Variants in DYRK1A observed in about 807,000 individuals in gnomAD.
DYRK1A encodes the protein dual specificity tyrosine-phosphorylation-regulated kinase 1A.
A neutral mutation model predicts 79.7 loss-of-function variants in DYRK1A; 9 were observed. The observed-to-expected ratio is 0.11, with a 90% CI of 0.07 to 0.20. The LOEUF (loss-of-function observed/expected upper bound fraction) is 0.20, where lower values mean the gene tolerates loss of function less well. Among genes scored for constraint, DYRK1A ranks in the 10% least tolerant of loss-of-function variants. The pLI, the probability that DYRK1A is intolerant of heterozygous loss-of-function variation, is 1.00. For missense variants in DYRK1A, 622 were observed against 956.0 expected (o/e 0.65, Z 4.61); for synonymous variants, 349 against 329.7 (o/e 1.06, Z -0.63).
chr21:37,454,455 T>A (rs894661933), intron 2 of DYRK1A, among the ~76,000 whole-genome samples: 1 of 152,174 alleles, frequency 6.6e-6, no homozygotes, highest in African/African-American at 2.4e-5. Context: ...GCAACCTCTG[T>A]CAATAGTAGT....
intron 1 of DYRK1A, among the ~76,000 whole-genome samples, chr21:37,401,983 A>G (rs1007807783): frequency 6.6e-6 from 1 of 152,130 alleles, no homozygotes; most frequent in East Asian, 1.9e-4. Context: ...GACAATTTCC[A>G]CTTCCCACTT....
intron 1 of DYRK1A, among the ~76,000 whole-genome samples, chr21:37,392,421 TCTGTTTGTGCTGCTC>T (rs1409444017): frequency 6.6e-6 from 1 of 152,264 alleles, no homozygotes; most frequent in East Asian, 1.9e-4. Context: ...CATGTCTTGG[TCTGTTTGTGCTGCTC>T]TAACAAAATA....
intron 1 of DYRK1A, among the ~76,000 whole-genome samples, chr21:37,416,546 T>A (rs904048459): frequency 6.6e-6 from 1 of 152,094 alleles, no homozygotes; most frequent in African/African-American, 2.4e-5. Context: ...GCTATTATAA[T>A]TCTAGAAAAT....
intron 2 of DYRK1A, among the ~76,000 whole-genome samples, chr21:37,434,272 A>G (rs2050860067): frequency 6.6e-6 from 1 of 152,212 alleles, no homozygotes. Flanking sequence ...TCTAAAAATC[A>G]TGAAATTTTT....
intron 2 of DYRK1A, among the ~76,000 whole-genome samples, chr21:37,429,195 A>G (rs1235435744): frequency 2.0e-5 from 3 of 152,200 alleles, no homozygotes; most frequent in African/African-American, 7.2e-5. Context: ...GTTAACGCAA[A>G]TCCAGGTCTG....
At chr21:37,482,738 T>C (rs1401285974) in intron 5 of DYRK1A, among the ~76,000 whole-genome samples, 1 of 152,108 alleles carries the variant, frequency 6.6e-6, no homozygotes, top group Non-Finnish European at 1.5e-5. Flanking sequence ...ATTTCATCCC[T>C]ACAGTCTCGA....
At chr21:37,403,643 AAAAAAAT>A (rs1337828327) in intron 1 of DYRK1A, among the ~76,000 whole-genome samples, 1 of 100,138 alleles carries the variant, frequency 1.0e-5, no homozygotes, top group Non-Finnish European at 2.0e-5. Context: ...TTAAAAAAAA[AAAAAAAT>A]ATATATATAT....
In DYRK1A at chr21:37,505,599, G is replaced by C; in HGVS notation, c.1519+10G>C. The C allele has an allele frequency of 6.3e-7, 1 of 1,577,676 alleles. No homozygotes were observed. The highest frequency in any genetic ancestry group is 8.6e-7 in the Non-Finnish European group (1 of 1,165,898). The stretch of plus-strand genomic sequence containing the variant: ...ACATCGTCAAGCTCAGGTCTGTGCT[G>C]CTGCGGTTAGATTAGGCTTGGGAAT... On this transcript the variant is annotated intron_variant, in intron 10 of 11. Coordinates refer to ENST00000647188, the MANE Select transcript of DYRK1A (RefSeq NM_001347721.2).
chr21:37,426,229 A>G (rs1256589930), intron 2 of DYRK1A, among the ~76,000 whole-genome samples: 1 of 152,206 alleles, frequency 6.6e-6, no homozygotes, highest in Non-Finnish European at 1.5e-5. Flanking sequence ...TGAAAAGGGA[A>G]GAGAACTCTT....
intron 2 of DYRK1A, among the ~76,000 whole-genome samples, chr21:37,463,806 G>A (rs1339639443): frequency 6.6e-6 from 1 of 152,156 alleles, no homozygotes; most frequent in Non-Finnish European, 1.5e-5. Context: ...TAGGGACCTC[G>A]TGGGTTTTTG....
chr21:37,400,824 T>C (rs904504625), intron 1 of DYRK1A, among the ~76,000 whole-genome samples: 1 of 152,166 alleles, frequency 6.6e-6, no homozygotes, highest in Admixed American at 6.6e-5. Context: ...GATTGTACCC[T>C]TTCTAAAGTT....
intron 3 of DYRK1A, among the ~76,000 whole-genome samples, chr21:37,477,353 G>C (rs2052436321): frequency 6.6e-6 from 1 of 152,180 alleles, no homozygotes; most frequent in Non-Finnish European, 1.5e-5. Context: ...TCTGTTGATT[G>C]CAAGAACCCC....
intron 2 of DYRK1A, among the ~76,000 whole-genome samples, chr21:37,457,025 CTTACTTACTTACTTAT>C (rs1447158051): frequency 0.047 from 3,578 of 76,528 alleles, 101 homozygotes; most frequent in African/African-American, 0.14. Flanking sequence ...TACTTACTTA[CTTACTTACTTACTTAT>C]TTATTTATTT....
At chr21:37,506,445 T>A in intron 11 of DYRK1A, 3 of 1,364,974 alleles carry the variant, frequency 2.2e-6, no homozygotes, top group Non-Finnish European at 2.9e-6. Context: ...TAACAGTTGT[T>A]GTTTTGAACA....
rs754511244 is a variant in DYRK1A, at chr21:37,486,493, G to T, written c.516G>T (p.Glu172Asp). Residue 172 changes from glutamate (E) to aspartate (D), a missense_variant, in exon 6 of 12, where the codon GAG becomes GAT. Physicochemically the swap from Glu to Asp is conservative, Grantham distance 45. Transcript: ENST00000647188. ...GQVVKAYDRV[E>D]QEWVAIKIIK... Reference sequence around the variant, plus strand: ...TTGTAAAGGCATATGATCGTGTGGAGCAAGAATGGGTTGCCATTAAAATAA... The same window carrying T: ...TTGTAAAGGCATATGATCGTGTGGATCAAGAATGGGTTGCCATTAAAATAA... 4 of 1,581,704 alleles carry T rather than the reference G, an allele frequency of 2.5e-6. No homozygotes were observed. Among genetic ancestry groups the T allele is most frequent in the South Asian group, 1.2e-5 (1 of 85,450 alleles).
In DYRK1A at chr21:37,367,082, T is replaced by TGTGTGCGAGGGAGC. The variant is rs1228901832; in HGVS notation, c.-611_-598dup. 2 of 154,914 alleles carry TGTGTGCGAGGGAGC rather than the reference T, an allele frequency of 1.3e-5. No homozygotes were observed. Among genetic ancestry groups the TGTGTGCGAGGGAGC allele is most frequent in the East Asian group, 1.9e-4 (1 of 5,160 alleles). 9.6% of individuals were successfully genotyped at this position (154,914 alleles called of 1,614,324 possible). A position where few individuals can be genotyped will look rare whatever the true frequency, so the allele number is the denominator to read the frequency against. On this transcript the variant is annotated 5_prime_UTR_variant, in exon 1 of 12. Transcript: ENST00000647188. ...GGCGGGACCGGTGTGAGTGCGAGTG[T>TGTGTGCGAGGGAGC]GTGTGCGAGGGAGCGTGTGCGAGGG...
chr21:37,493,772 G>A (rs1298089747), intron 8 of DYRK1A, among the ~76,000 whole-genome samples: 3 of 151,902 alleles, frequency 2.0e-5, no homozygotes, highest in East Asian at 1.9e-4. Flanking sequence ...GTGGGGTTTT[G>A]TTTGTTTTTT....
In DYRK1A at chr21:37,420,174, A is replaced by G. The variant is rs529993991; in HGVS notation, c.-76-125A>G. 29 of 391,192 alleles carry G rather than the reference A, an allele frequency of 7.4e-5. 1 individual carries two copies. The South Asian group carries it at 2.4e-3, about 32-fold the overall frequency. The allele number at this position is 391,192 out of a possible 1,614,324, so 24.2% of individuals were successfully genotyped here. On this transcript the variant is annotated intron_variant, in intron 1 of 11. Coordinates refer to ENST00000647188, the MANE Select transcript of DYRK1A (RefSeq NM_001347721.2). ...TTTAAGTTTGAATGTTAGAAAATGA[A>G]TTTTGCAAATTTGAAGTAATTTTAT...
intron 2 of DYRK1A, among the ~76,000 whole-genome samples, chr21:37,429,125 CA>C (rs1222029079): frequency 6.6e-6 from 1 of 152,152 alleles, no homozygotes; most frequent in Non-Finnish European, 1.5e-5. Context: ...AAACCATCCA[CA>C]AAATATACTC....
Sources: gnomAD v4.1 joint callset for allele counts (sites outside exome capture counted in the v4.1 genomes callset) on GRCh38, gnomAD v4.1.1 for gene constraint, MANE v1.5 for transcripts, NCBI Gene and HGNC (gene_info 2026-07-23, HGNC 2026-07-21) for gene names.